Variants in WDPCP observed in about 807,000 individuals in gnomAD.
WDPCP encodes the protein WD repeat-containing and planar cell polarity effector protein fritz homolog.
WDPCP carries 71 observed loss-of-function variants against 93.1 expected under a neutral mutation model. That is an observed-to-expected ratio of 0.76 (90% confidence interval 0.63 to 0.93). The LOEUF (loss-of-function observed/expected upper bound fraction) is 0.93. Among genes scored for constraint, WDPCP ranks in the 40% least tolerant of loss-of-function variants. The pLI, the probability that WDPCP is intolerant of heterozygous loss-of-function variation, is 0.00. For synonymous variants in WDPCP, 315 were observed against 315.0 expected, an observed-to-expected ratio of 1.00 and a Z score of 0.00; for missense variants, 844 against 887.4, an observed-to-expected ratio of 0.95 and a Z score of 0.62.
chr2:63,521,450 A>G (rs1322732681), intron 1 of WDPCP, among the ~76,000 whole-genome samples: 2 of 152,176 alleles, frequency 1.3e-5, no homozygotes, highest in Non-Finnish European at 2.9e-5. Flanking sequence ...AAAAATCAAA[A>G]AAGACAAAGA....
intron 12 of WDPCP, among the ~76,000 whole-genome samples, chr2:63,334,589 T>G (rs375436985): frequency 6.6e-6 from 1 of 152,054 alleles, no homozygotes; most frequent in Non-Finnish European, 1.5e-5. Context: ...TCTTAGTGAG[T>G]AGAGTGAGTA....
rs983134085 is a variant in WDPCP at position 63,468,944 on chromosome 2, C to T, written c.384+15660G>A. ...TCTATTTCTCCATTTTCCTTTACAA[C>T]ATTAACCCTTTTTATAAGCCCCTAA... On this transcript the variant is annotated intron_variant, in intron 6 of 17. Transcript: ENST00000272321. Among the ~76,000 whole-genome samples the T allele has an allele frequency of 5.3e-5, 8 of 151,850 alleles. No individual in the cohort carries two copies. The South Asian group carries it at 6.2e-4, about 12-fold the overall frequency.
chr2:63,714,578 C>A (rs571274448), intron 2 of WDPCP, among the ~76,000 whole-genome samples: 1 of 152,100 alleles, frequency 6.6e-6, no homozygotes, highest in Non-Finnish European at 1.5e-5. Flanking sequence ...CAAATAAATA[C>A]CAGCACTTTG....
At chr2:63,686,322 T>C (rs1036775269) in intron 2 of WDPCP, among the ~76,000 whole-genome samples, 3 of 152,004 alleles carry the variant, frequency 2.0e-5, no homozygotes, top group African/African-American at 7.2e-5. Context: ...GAAAAAGAAA[T>C]CAAGAGAGTA....
At chr2:63,428,441 C>T (rs1013627827) in intron 9 of WDPCP, among the ~76,000 whole-genome samples, 19 of 152,286 alleles carry the variant, frequency 1.2e-4, no homozygotes, top group South Asian at 4.1e-4. Flanking sequence ...ATACACAAAT[C>T]GATAAATGTG....
intron 14 of WDPCP, among the ~76,000 whole-genome samples, chr2:63,241,776 T>C (rs571904586): frequency 1.3e-5 from 2 of 152,198 alleles, no homozygotes; most frequent in East Asian, 3.9e-4. Context: ...TTTTAATTTT[T>C]GTAGACATGA....
intron 2 of WDPCP, among the ~76,000 whole-genome samples, chr2:63,727,837 T>C (rs1669511777): frequency 6.6e-6 from 1 of 152,216 alleles, no homozygotes; most frequent in Admixed American, 6.5e-5. Context: ...TTTGTGTGTG[T>C]AGAGGTGCTC....
intron 1 of WDPCP, among the ~76,000 whole-genome samples, chr2:63,503,744 A>G (rs898396880): frequency 6.6e-6 from 1 of 152,150 alleles, no homozygotes; most frequent in Non-Finnish European, 1.5e-5. Context: ...AGAGAAAATA[A>G]ATTGAATTTC....
intron 17 of WDPCP, among the ~76,000 whole-genome samples, chr2:63,139,475 G>T (rs1216106627): frequency 2.0e-5 from 3 of 152,010 alleles, no homozygotes; most frequent in Non-Finnish European, 4.4e-5. Context: ...CCACATCCAC[G>T]CCCACATCTA....
intron 12 of WDPCP, among the ~76,000 whole-genome samples, chr2:63,345,034 C>A (rs1689098289): frequency 6.6e-6 from 1 of 152,142 alleles, no homozygotes; most frequent in African/African-American, 2.4e-5. Flanking sequence ...AAAATTGATT[C>A]TGTCAGTTTT....
At chr2:63,278,436 T>C (rs185890970) in intron 13 of WDPCP, among the ~76,000 whole-genome samples, 6 of 80,158 alleles carry the variant, frequency 7.5e-5, no homozygotes, top group Non-Finnish European at 1.1e-4. Flanking sequence ...ATGAAATCGA[T>C]TGAAACAACG....
At chr2:63,608,777 T>C (rs1314231209) in intron 3 of WDPCP, among the ~76,000 whole-genome samples, 1 of 152,132 alleles carries the variant, frequency 6.6e-6, no homozygotes, top group Non-Finnish European at 1.5e-5. Context: ...GCCACTGCAC[T>C]CCAGCCTAGG....
chr2:63,666,540 TCA>T (rs1275789132), intron 2 of WDPCP, among the ~76,000 whole-genome samples: 1 of 152,224 alleles, frequency 6.6e-6, no homozygotes, highest in African/African-American at 2.4e-5. Context: ...TGAATTCATT[TCA>T]CGCATAATCC....
chr2:63,208,410 T>C (rs1371481946), intron 14 of WDPCP, among the ~76,000 whole-genome samples: 2 of 151,458 alleles, frequency 1.3e-5, no homozygotes, highest in African/African-American at 4.9e-5. Context: ...AAAAATATGG[T>C]CTTCTATTTT....
chr2:63,577,774 C>CA (rs1558836705), intron 1 of WDPCP, among the ~76,000 whole-genome samples: 1 of 152,110 alleles, frequency 6.6e-6, no homozygotes, highest in African/African-American at 2.4e-5. Flanking sequence ...ACAGCAAACA[C>CA]AAACAGTCCT....
At chr2:63,146,635 A>G (rs571802904) in intron 17 of WDPCP, among the ~76,000 whole-genome samples, 37 of 152,294 alleles carry the variant, frequency 2.4e-4, no homozygotes, top group Middle Eastern at 6.8e-3. Flanking sequence ...TCGGCCTCCC[A>G]AAGTGCTGGG....
At chr2:63,832,795 G>T (rs1392131391), upstream of WDPCP, among the ~76,000 whole-genome samples, 1 of 152,116 alleles carries the variant, frequency 6.6e-6, no homozygotes. Flanking sequence ...CATGGTCCTT[G>T]CTCTTAAAGA....
chr2:63,428,469 A>T (rs1166896220), intron 9 of WDPCP, among the ~76,000 whole-genome samples: 1 of 152,206 alleles, frequency 6.6e-6, no homozygotes, highest in Non-Finnish European at 1.5e-5. Flanking sequence ...ACATAAACAG[A>T]ACTAAAGACA....
intron 10 of WDPCP, among the ~76,000 whole-genome samples, chr2:63,385,596 C>T (rs1692665479): frequency 3.3e-5 from 5 of 151,940 alleles, no homozygotes; most frequent in South Asian, 2.1e-4. Context: ...TATAAAACTA[C>T]GCAGAGAGAA....
Sources: gnomAD v4.1 joint callset for allele counts (sites outside exome capture counted in the v4.1 genomes callset) on GRCh38, gnomAD v4.1.1 for gene constraint, MANE v1.5 for transcripts, NCBI Gene and HGNC (gene_info 2026-07-23, HGNC 2026-07-21) for gene names.